Variants in HECW1 observed in about 807,000 individuals in gnomAD.
HECW1 encodes HECT, C2 and WW domain containing E3 ubiquitin protein ligase 1, also known as E3 ubiquitin-protein ligase HECW1.
In HECW1, 61 loss-of-function variants were observed where a neutral mutation model predicts 182.3. That is an observed-to-expected ratio of 0.33 (90% CI 0.27 to 0.41). The LOEUF (loss-of-function observed/expected upper bound fraction) is 0.41. Among genes scored for constraint, HECW1 ranks in the 10% least tolerant of loss-of-function variants. The pLI is 1.00. For missense variants in HECW1, 1,739 were observed against 2,108.9 expected (o/e 0.82, Z 3.44); for synonymous variants, 859 against 832.6 (o/e 1.03, Z -0.55).
At chr7:43,422,928 C>T (rs375094916) in intron 8 of HECW1, among the ~76,000 whole-genome samples, 4 of 82,372 alleles carry the variant, frequency 4.9e-5, no homozygotes, top group African/African-American at 1.5e-4. Flanking sequence ...AGTGCCTGGC[C>T]GAGAGTCGTG....
chr7:43,336,127 TC>T (rs1197062075), intron 5 of HECW1, among the ~76,000 whole-genome samples: 19 of 85,554 alleles, frequency 2.2e-4, no homozygotes, highest in African/African-American at 8.0e-4. Context: ...TCTTTCTTTC[TC>T]TCTCTCTCTC....
intron 2 of HECW1, among the ~76,000 whole-genome samples, chr7:43,182,565 T>C (rs1201849359): frequency 3.3e-5 from 5 of 152,238 alleles, no homozygotes; most frequent in Non-Finnish European, 7.3e-5. Flanking sequence ...AGCTTTGCAG[T>C]ATATTTTGAA....
At chr7:43,409,346 C>A (rs1472180871) in intron 8 of HECW1, among the ~76,000 whole-genome samples, 1 of 152,192 alleles carries the variant, frequency 6.6e-6, no homozygotes, top group African/African-American at 2.4e-5. Context: ...CTCTTCCCTG[C>A]ATTCCTAGAG....
At chr7:43,119,116 A>G (rs1785334757) in intron 2 of HECW1, 1 of 152,340 alleles carries the variant, frequency 6.6e-6, no homozygotes, top group African/African-American at 2.4e-5. Context: ...TGAGACCAGA[A>G]GATCACCATC....
intron 28 of HECW1, among the ~76,000 whole-genome samples, chr7:43,553,195 A>T (rs1001493427): frequency 6.6e-6 from 1 of 152,188 alleles, no homozygotes; most frequent in Non-Finnish European, 1.5e-5. Context: ...CCCACAAAAC[A>T]AGTTCCTTAT....
At chr7:43,550,019 A>C (rs2081739855) in intron 26 of HECW1, among the ~76,000 whole-genome samples, 1 of 152,108 alleles carries the variant, frequency 6.6e-6, no homozygotes, top group Non-Finnish European at 1.5e-5. Context: ...GGTCGGGTGC[A>C]GTGGCTCCCA....
chr7:43,250,103 A>AT (rs3214213), intron 3 of HECW1, among the ~76,000 whole-genome samples: 1 of 151,614 alleles, frequency 6.6e-6, no homozygotes, highest in African/African-American at 2.4e-5. Context: ...TCTCTTGCAG[A>AT]TTTTTTTTAA....
At chr7:43,171,702 A>G (rs1249014472) in intron 2 of HECW1, among the ~76,000 whole-genome samples, 1 of 152,254 alleles carries the variant, frequency 6.6e-6, no homozygotes, top group African/African-American at 2.4e-5. Context: ...ATGATAAACT[A>G]TCAGACTTGA....
chr7:43,431,359 A>G (rs2076543490), intron 8 of HECW1, among the ~76,000 whole-genome samples: 1 of 152,028 alleles, frequency 6.6e-6, no homozygotes, highest in African/African-American at 2.4e-5. Flanking sequence ...CTGCATTCCT[A>G]GCTATGTCAC....
At chr7:43,364,235 C>A (rs545345709) in intron 6 of HECW1, among the ~76,000 whole-genome samples, 15 of 152,292 alleles carry the variant, frequency 9.8e-5, no homozygotes, top group Admixed American at 9.8e-4. Context: ...ATTGTATGGT[C>A]TCACGATGCA....
chr7:43,497,865 G>A (rs568209492), intron 19 of HECW1, among the ~76,000 whole-genome samples: 2 of 152,052 alleles, frequency 1.3e-5, no homozygotes, highest in East Asian at 3.9e-4. Context: ...GGCTTGAGGA[G>A]AGGAAGAATG....
chr7:43,190,723 C>G (rs776064554), intron 2 of HECW1, among the ~76,000 whole-genome samples: 6 of 152,224 alleles, frequency 3.9e-5, no homozygotes, highest in Non-Finnish European at 8.8e-5. Flanking sequence ...AAAAACCCAT[C>G]TGCACACAGA....
In HECW1 at chr7:43,407,728, C is replaced by A. The variant is rs753122454; in HGVS notation, c.798C>A (p.Ala266=). ...ACACCGTGAACCCCATCTGGCAGGC[C>A]GAGGTGAGTGCTGTGGGCCCTGAAA... is the stretch of plus-strand genomic sequence containing the variant. ...IGNTVNPIWQ[A]EQFSFVSLPT... is the part of the protein sequence containing the mutation. Residue 266 remains alanine, a synonymous_variant, in exon 8 of 30, where the codon GCC becomes GCA. Coordinates refer to ENST00000395891, the MANE Select transcript of HECW1 (RefSeq NM_015052.5). 1 of 1,610,232 alleles carries A rather than the reference C, an allele frequency of 6.2e-7. No homozygotes were observed.
At chr7:43,282,853 C>T (rs937923081) in intron 3 of HECW1, among the ~76,000 whole-genome samples, 3 of 152,088 alleles carry the variant, frequency 2.0e-5, no homozygotes, top group African/African-American at 7.2e-5. Context: ...TGCGGTGGCT[C>T]ACGACTGTAA....
chr7:43,529,339 C>T (rs575214702), intron 24 of HECW1, among the ~76,000 whole-genome samples: 1 of 152,210 alleles, frequency 6.6e-6, no homozygotes, highest in Admixed American at 6.5e-5. Context: ...TGCTTGCACC[C>T]CATCTGAAGG....
intron 26 of HECW1, among the ~76,000 whole-genome samples, chr7:43,547,167 A>G (rs1466023333): frequency 6.6e-6 from 1 of 152,164 alleles, no homozygotes; most frequent in African/African-American, 2.4e-5. Context: ...GCTTTGAGTT[A>G]TCATATAATG....
chr7:43,175,457 G>T (rs1583823778), intron 2 of HECW1, among the ~76,000 whole-genome samples: 1 of 152,124 alleles, frequency 6.6e-6, no homozygotes, highest in South Asian at 2.1e-4. Context: ...AAAGAATTTT[G>T]CTGTGAACAT....
intron 3 of HECW1, among the ~76,000 whole-genome samples, chr7:43,300,849 T>C (rs113045376): frequency 6.6e-6 from 1 of 152,118 alleles, no homozygotes; most frequent in African/African-American, 2.4e-5. Context: ...TACGATGACC[T>C]CCCACACTGA....
intron 6 of HECW1, among the ~76,000 whole-genome samples, chr7:43,389,762 TC>T (rs1479525398): frequency 2.0e-5 from 3 of 152,108 alleles, no homozygotes; most frequent in Middle Eastern, 6.8e-3. Flanking sequence ...TACCTCAGCC[TC>T]CCAAGTAACT....
Sources: gnomAD v4.1 joint callset for allele counts (sites outside exome capture counted in the v4.1 genomes callset) on GRCh38, gnomAD v4.1.1 for gene constraint, MANE v1.5 for transcripts, NCBI Gene and HGNC (gene_info 2026-07-23, HGNC 2026-07-21) for gene names.